The following SMPDL3A variants were observed in gnomAD, a reference collection of about 807,000 sequenced individuals.
SMPDL3A encodes the protein sphingomyelin phosphodiesterase acid like 3A.
In SMPDL3A, 39 loss-of-function variants were observed where a neutral mutation model predicts 38.5. The ratio of observed to expected loss-of-function variants is 1.01; its 90% CI spans 0.78 to 1.32. The LOEUF (loss-of-function observed/expected upper bound fraction) is 1.32, where lower values mean the gene tolerates loss of function less well. Ranked by LOEUF, SMPDL3A falls within the 40% of genes most tolerant of loss-of-function variation. The pLI is 0.00. For missense variants in SMPDL3A, 502 were observed against 536.2 expected (o/e 0.94, Z 0.63); for synonymous variants, 180 against 194.3 (o/e 0.93, Z 0.61).
At chr6:122,806,676 TCTC>T (rs1781633505) in intron 7 of SMPDL3A, among the ~76,000 whole-genome samples, 1 of 152,192 alleles carries the variant, frequency 6.6e-6, no homozygotes, top group African/African-American at 2.4e-5. Context: ...TCATTCTTCT[TCTC>T]CAGAATATAA....
At chr6:122,796,736 A>C (rs1443472442) in intron 2 of SMPDL3A, 88 bp from the exon 3 acceptor site, 4 of 1,047,910 alleles carry the variant, frequency 3.8e-6, no homozygotes, top group Non-Finnish European at 5.5e-6. Flanking sequence ...GGAAGTCTGC[A>C]GTGATAGGTA....
At chr6:122,791,980 A>G (rs1781092959) in intron 1 of SMPDL3A, among the ~76,000 whole-genome samples, 1 of 152,182 alleles carries the variant, frequency 6.6e-6, no homozygotes, top group Non-Finnish European at 1.5e-5. Context: ...GGCATGAGCC[A>G]CCGCGCCCGA....
chr6:122,795,759 T>C lies in SMPDL3A; in HGVS notation c.195T>C (p.Ser65=). ...ACCACACAAAAGTGTGTGCTTCATC[T>C]AAAGGTGCAAATGCCTCCAACCCTG... The part of the protein sequence containing the change: ...TDDHTKVCAS[S]KGANASNPGP... The change falls in exon 2 of 8, where the codon TCT becomes TCC. Residue 65 remains serine (S), a synonymous_variant. Coordinates refer to ENST00000368440, the MANE Select transcript of SMPDL3A (RefSeq NM_006714.5). 1 of 1,614,188 alleles carries C rather than the reference T, an allele frequency of 6.2e-7. No individual in the cohort carries two copies. Among genetic ancestry groups the C allele is most frequent in the Non-Finnish European group, 8.5e-7 (1 of 1,180,022 alleles).
chr6:122,803,957 A>G (rs912758150), intron 5 of SMPDL3A, 124 bp downstream of exon 5: 1 of 716,190 alleles, frequency 1.4e-6, no homozygotes, highest in Middle Eastern at 2.5e-4. Flanking sequence ...TTTTGCATAA[A>G]CACTTTACAA....
At position 122,801,422 on chromosome 6, in the gene SMPDL3A, A is replaced by G; in HGVS notation, c.568+16A>G. 2.0e-6 allele frequency: 3 copies of G among 1,518,254 alleles called. No homozygotes were observed. The highest frequency in any genetic ancestry group is 2.7e-6 in the Non-Finnish European group (3 of 1,093,922). 94.0% of individuals were successfully genotyped at this position (1,518,254 alleles called of 1,614,324 possible). On this transcript the variant is annotated intron_variant, in intron 4 of 7. Coordinates refer to ENST00000368440, the MANE Select transcript of SMPDL3A (RefSeq NM_006714.5). ...TTAAGGAAAGGTAAGTGAAAGACTT[A>G]GTTATTCCTATTTTGCCTCAATTTT...
intron 1 of SMPDL3A, among the ~76,000 whole-genome samples, chr6:122,794,544 C>T (rs542043214): frequency 7.9e-5 from 12 of 152,124 alleles, no homozygotes; most frequent in African/African-American, 2.9e-4. Context: ...TGGCAGTGAG[C>T]CAAGATCACG....
intron 1 of SMPDL3A, among the ~76,000 whole-genome samples, chr6:122,794,956 A>G (rs770829704): frequency 3.9e-5 from 6 of 152,162 alleles, no homozygotes; most frequent in Non-Finnish European, 7.3e-5. Flanking sequence ...TTATACGTCA[A>G]TTTTTCTACA....
At chr6:122,808,762 A>G (rs1781750543) in intron 7 of SMPDL3A, among the ~76,000 whole-genome samples, 1 of 150,220 alleles carries the variant, frequency 6.7e-6, no homozygotes, top group African/African-American at 2.5e-5. Flanking sequence ...GCTCACCGCA[A>G]CCTCCGCCTC....
At chr6:122,799,963 T>A (rs1328191269) in intron 3 of SMPDL3A, among the ~76,000 whole-genome samples, 1 of 136,496 alleles carries the variant, frequency 7.3e-6, no homozygotes, top group Non-Finnish European at 1.5e-5. Flanking sequence ...AGTATTTACT[T>A]TTTTTTTTTT....
intron 2 of SMPDL3A, among the ~76,000 whole-genome samples, chr6:122,796,401 A>G (rs1781249134): frequency 6.6e-6 from 1 of 152,232 alleles, no homozygotes; most frequent in Non-Finnish European, 1.5e-5. Flanking sequence ...TTTAATTTTT[A>G]CAATGGATAT....
At chr6:122,802,087 T>C (rs1439326298) in intron 4 of SMPDL3A, among the ~76,000 whole-genome samples, 3 of 152,220 alleles carry the variant, frequency 2.0e-5, no homozygotes, top group Admixed American at 6.5e-5. Flanking sequence ...GCCACTATTT[T>C]GTTATTGTTT....
intron 6 of SMPDL3A, among the ~76,000 whole-genome samples, chr6:122,805,844 C>T (rs1053390881): frequency 6.6e-6 from 1 of 152,144 alleles, no homozygotes; most frequent in Non-Finnish European, 1.5e-5. Flanking sequence ...CTGCCCGCCT[C>T]GGCCTCCCAA....
Position 122,809,466 on chromosome 6 carries a change from G to C in SMPDL3A, c.*58G>C. 7.8e-7 allele frequency: 1 copy of C among 1,279,516 alleles called. No individual in the cohort carries two copies. Among genetic ancestry groups the C allele is most frequent in the Non-Finnish European group, 1.1e-6 (1 of 914,320 alleles). 79.3% of individuals were successfully genotyped at this position (1,279,516 alleles called of 1,614,324 possible). A position where few individuals can be genotyped will look rare whatever the true frequency, so the allele number is the denominator to read the frequency against. ...ATTCTGATTCTGAGATCAATTTGTG[G>C]GAATTTTACATAAATCTTTGTTAAT... On this transcript the variant is annotated 3_prime_UTR_variant, in exon 8 of 8. Transcript: ENST00000368440.
intron 4 of SMPDL3A, among the ~76,000 whole-genome samples, chr6:122,802,193 GTC>G (rs1175057892): frequency 5.7e-5 from 6 of 106,190 alleles, no homozygotes; most frequent in South Asian, 4.2e-4. Flanking sequence ...ACTATATCTA[GTC>G]TTTTTTTTTT....
rs775598962 is a variant in SMPDL3A at position 122,795,911 on chromosome 6, C to T, written c.326+21C>T. 4 of 1,499,582 alleles carry T rather than the reference C, an allele frequency of 2.7e-6. No homozygotes were observed. The South Asian group carries it at 4.5e-5, about 17-fold the overall frequency. The allele number at this position is 1,499,582 out of a possible 1,614,324, so 92.9% of individuals were successfully genotyped here. ...ACAGGGTAAGTGATTATACAAGTAC[C>T]ATTAATTACTCAATATTTATTTACA... On this transcript the variant is annotated intron_variant, in intron 2 of 7. Transcript: ENST00000368440.
At position 122,803,677 on chromosome 6, in the gene SMPDL3A, A is replaced by G. The variant is rs1781497656; in HGVS notation, c.582A>G (p.Ser194=). The G allele has an allele frequency of 6.2e-7, 1 of 1,611,352 alleles. No homozygotes were observed. The highest frequency in any genetic ancestry group is 8.5e-7 in the Non-Finnish European group (1 of 1,179,096). ...TTGTTTTTATAGGTGGTTTTTATTCACAGAAAGTTACAACTAATCCAAACC... is the reference window on the plus strand; with the variant it reads ...TTGTTTTTATAGGTGGTTTTTATTCGCAGAAAGTTACAACTAATCCAAACC... ...ISTLRKGGFY[S]QKVTTNPNLR... The change falls in exon 5 of 8, where the codon TCA becomes TCG. Residue 194 remains serine (S), a synonymous_variant. Coordinates refer to ENST00000368440, the MANE Select transcript of SMPDL3A (RefSeq NM_006714.5).
In SMPDL3A at chr6:122,809,475, C is replaced by A; in HGVS notation, c.*67C>A. 1 of 1,240,026 alleles carries A rather than the reference C, an allele frequency of 8.1e-7. No individual in the cohort carries two copies. The allele number at this position is 1,240,026 out of a possible 1,614,324, so 76.8% of individuals were successfully genotyped here. A position where few individuals can be genotyped will look rare whatever the true frequency, so the allele number is the denominator to read the frequency against. ...CTGAGATCAATTTGTGGGAATTTTA[C>A]ATAAATCTTTGTTAATTACTGAGTG... On this transcript the variant is annotated 3_prime_UTR_variant, in exon 8 of 8. Transcript: ENST00000368440.
intron 7 of SMPDL3A, among the ~76,000 whole-genome samples, chr6:122,807,485 C>T (rs913602964): frequency 2.0e-5 from 3 of 151,978 alleles, no homozygotes; most frequent in African/African-American, 2.4e-5. Flanking sequence ...GGCGACAGAG[C>T]GAGACTCCGT....
intron 7 of SMPDL3A, among the ~76,000 whole-genome samples, chr6:122,807,648 C>T (rs1038092697): frequency 2.0e-5 from 3 of 152,052 alleles, no homozygotes; most frequent in African/African-American, 7.2e-5. Flanking sequence ...GTAACTTCCC[C>T]TTTCTACAAA....
Sources: gnomAD v4.1 joint callset for allele counts (sites outside exome capture counted in the v4.1 genomes callset) on GRCh38, gnomAD v4.1.1 for gene constraint, MANE v1.5 for transcripts, NCBI Gene and HGNC (gene_info 2026-07-23, HGNC 2026-07-21) for gene names.